KIAA0753: variants seen among roughly 807,000 people sequenced by gnomAD.
The protein encoded by KIAA0753 is KIAA0753.
In KIAA0753, 114 loss-of-function variants were observed where a neutral mutation model predicts 116.9. That is an observed-to-expected ratio of 0.98 (90% CI 0.84 to 1.14). The LOEUF is 1.14. KIAA0753 is among the 50% of genes most tolerant of loss of function. The probability of loss-of-function intolerance (pLI) is 0.00; values close to 1 mark genes in which losing one functional copy is unlikely to be tolerated. For synonymous variants in KIAA0753, 405 were observed against 413.1 expected (o/e 0.98, Z 0.24); for missense variants, 1,156 against 1,172.4 (o/e 0.99, Z 0.20).
At chr17:6,636,626 T>C (rs1972341700) in intron 1 of KIAA0753, among the ~76,000 whole-genome samples, 1 of 152,052 alleles carries the variant, frequency 6.6e-6, no homozygotes, top group Non-Finnish European at 1.5e-5. Context: ...AACGTCCCAA[T>C]TTGTCCCTCT....
chr17:6,585,903 A>C (rs1403447752), intron 18 of KIAA0753, among the ~76,000 whole-genome samples: 1 of 152,150 alleles, frequency 6.6e-6, no homozygotes, highest in East Asian at 1.9e-4. Context: ...CAAAAATAAG[A>C]ATGTCAACCA....
At chr17:6,591,090 A>AAGG (rs1969027040) in intron 16 of KIAA0753, among the ~76,000 whole-genome samples, 4 of 145,506 alleles carry the variant, frequency 2.7e-5, no homozygotes, top group Admixed American at 2.7e-4. Context: ...GAAGAAGAAG[A>AAGG]AGAAGAAGAA....
rs755810646 is a variant in KIAA0753, at chr17:6,620,838, G to A, written c.1265C>T (p.Thr422Ile). 1 of 1,614,196 alleles carries A rather than the reference G, an allele frequency of 6.2e-7. No individual in the cohort carries two copies. The highest frequency in any genetic ancestry group is 8.5e-7 in the Non-Finnish European group (1 of 1,180,026). ...GERRPLTAKD[T>I]FPQETSRPSV... The stretch of plus-strand genomic sequence containing the variant: ...AGGTCGACTTGTTTCCTGTGGGAAT[G>A]TGTCCTTTGCTGTGAGGGGCCTCCT... Residue 422 changes from threonine (T) to isoleucine (I), a missense_variant, in exon 7 of 19, where the codon ACA becomes ATA. By Grantham distance (89) the Thr-to-Ile change is moderately conservative. Coordinates refer to ENST00000361413, the MANE Select transcript of KIAA0753 (RefSeq NM_014804.3).
intron 12 of KIAA0753, among the ~76,000 whole-genome samples, chr17:6,603,719 G>A (rs932474738): frequency 1.1e-4 from 16 of 152,124 alleles, no homozygotes; most frequent in Admixed American, 5.9e-4. Flanking sequence ...TGGAGAAGCC[G>A]GCAACCCAGA....
intron 18 of KIAA0753, among the ~76,000 whole-genome samples, chr17:6,585,175 G>A (rs1014550198): frequency 1.1e-4 from 17 of 152,082 alleles, no homozygotes; most frequent in African/African-American, 4.1e-4. Flanking sequence ...TTGGAAGTAG[G>A]CTCTAATATC....
intron 13 of KIAA0753, among the ~76,000 whole-genome samples, chr17:6,599,757 T>C (rs1238872794): frequency 6.6e-6 from 1 of 152,166 alleles, no homozygotes; most frequent in African/African-American, 2.4e-5. Context: ...TAACTAAAAA[T>C]AGAGAAGTTC....
chr17:6,606,494 G>A (rs1261962617), intron 12 of KIAA0753, among the ~76,000 whole-genome samples: 2 of 152,154 alleles, frequency 1.3e-5, no homozygotes, highest in East Asian at 1.9e-4. Flanking sequence ...GCTAACATAC[G>A]AAACTAAAGT....
chr17:6,604,215 A>G (rs1970049782), intron 12 of KIAA0753, among the ~76,000 whole-genome samples: 1 of 151,702 alleles, frequency 6.6e-6, no homozygotes, highest in South Asian at 2.1e-4. Flanking sequence ...TGTATTCATA[A>G]TAGCCCCAAA....
chr17:6,580,098 A>T (rs1482799498), intron 18 of KIAA0753, among the ~76,000 whole-genome samples: 2 of 151,828 alleles, frequency 1.3e-5, no homozygotes, highest in African/African-American at 4.8e-5. Context: ...AGGCAGGAGA[A>T]TCGCTTGAAC....
chr17:6,591,058 A>AGGAAGAAGGAAGAAGGAAGAAG (rs1382436774), intron 16 of KIAA0753, among the ~76,000 whole-genome samples: 27 of 43,590 alleles, frequency 6.2e-4, no homozygotes, highest in African/African-American at 2.3e-3. Context: ...AAGAAGAAGA[A>AGGAAGAAGGAAGAAGGAAGAAG]GAAGAAGAAG....
chr17:6,612,116 T>A lies in KIAA0753; in HGVS notation c.1348A>T (p.Thr450Ser). The A allele has an allele frequency of 6.2e-7, 1 of 1,614,136 alleles. No homozygotes were observed. The highest frequency in any genetic ancestry group is 8.5e-7 in the Non-Finnish European group (1 of 1,179,966). ...KYQPDTELPE[T>S]QRLQSELDVL... is the part of the protein sequence containing the mutation. ...TCAAGCTCACTCTGCAACCTCTGGG[T>A]CTCCGGAAGCTCCGTATCGGGCTGA... The change falls in exon 8 of 19, where the codon ACC (threonine) becomes TCC (serine). Residue 450 changes from threonine to serine, a missense_variant. Physicochemically the swap from Thr to Ser is moderately conservative, Grantham distance 58. Transcript: ENST00000361413.
intron 18 of KIAA0753, among the ~76,000 whole-genome samples, chr17:6,581,563 G>A (rs781481129): frequency 3.3e-5 from 5 of 152,084 alleles, no homozygotes; most frequent in East Asian, 1.9e-4. Flanking sequence ...CATGAAATTC[G>A]CCTAAATCAA....
intron 3 of KIAA0753, among the ~76,000 whole-genome samples, chr17:6,625,226 T>C (rs1319552608): frequency 6.6e-6 from 1 of 152,228 alleles, no homozygotes; most frequent in East Asian, 1.9e-4. Context: ...TATTGGCCTG[T>C]TTTTATGTTT....
chr17:6,599,193 T>TA, intron 14 of KIAA0753, 44 bp downstream of exon 14: 2 of 1,323,646 alleles, frequency 1.5e-6, no homozygotes, highest in Admixed American at 3.4e-5. Context: ...CTAAAGATGT[T>TA]ATCAAGCAAT....
intron 16 of KIAA0753, among the ~76,000 whole-genome samples, chr17:6,591,739 G>A (rs1255091610): frequency 6.6e-6 from 1 of 152,244 alleles, no homozygotes; most frequent in East Asian, 1.9e-4. Flanking sequence ...TTTGTGGCCA[G>A]TGGCCAAACC....
intron 18 of KIAA0753, among the ~76,000 whole-genome samples, chr17:6,587,683 C>G (rs529116130): frequency 6.6e-6 from 1 of 152,168 alleles, no homozygotes; most frequent in Non-Finnish European, 1.5e-5. Context: ...TCTACCAGAA[C>G]AAAGCATCTT....
intron 1 of KIAA0753, chr17:6,636,524 A>C (rs1349464166): frequency 6.6e-6 from 1 of 152,380 alleles, no homozygotes; most frequent in East Asian, 1.9e-4. Context: ...ACACACACGC[A>C]CAAAGTCCAG....
chr17:6,603,053 T>C (rs892567664), intron 12 of KIAA0753, among the ~76,000 whole-genome samples: 1 of 152,182 alleles, frequency 6.6e-6, no homozygotes, highest in Non-Finnish European at 1.5e-5. Context: ...TCAACATTTT[T>C]AAATTTTAAA....
Position 6,608,347 on chromosome 17 carries a change from C to T in KIAA0753, c.1829+1G>A. On this transcript the variant is annotated splice_donor_variant, in intron 10 of 18. Transcript: ENST00000361413. LOFTEE classifies it high-confidence loss of function. ...AAGATCTGAAAAATACCAGCACAAA[C>T]CTGGCTGCTTCATGCTCAACAGCAC... 2 of 1,424,556 alleles carry T rather than the reference C, an allele frequency of 1.4e-6. No individual in the cohort carries two copies. The highest frequency in any genetic ancestry group is 1.9e-6 in the Non-Finnish European group (2 of 1,065,776). The allele number at this position is 1,424,556 out of a possible 1,614,324, so 88.2% of individuals were successfully genotyped here.
Sources: gnomAD v4.1 joint callset for allele counts (sites outside exome capture counted in the v4.1 genomes callset) on GRCh38, gnomAD v4.1.1 for gene constraint, MANE v1.5 for transcripts, NCBI Gene and HGNC (gene_info 2026-07-23, HGNC 2026-07-21) for gene names.